ENOX1: variants seen among roughly 807,000 people sequenced by gnomAD.
ENOX1 encodes the protein ecto-NOX disulfide-thiol exchanger 1.
ENOX1 carries 42 observed loss-of-function variants against 82.5 expected under a neutral mutation model. The ratio of observed to expected loss-of-function variants is 0.51; its 90% CI spans 0.40 to 0.66. ENOX1 has a LOEUF of 0.66. Ranked by LOEUF, ENOX1 falls within the 30% of genes least tolerant of loss-of-function variation. ENOX1 has a pLI of 0.00. For missense variants in ENOX1, 608 were observed against 811.6 expected (o/e 0.75, Z 3.05); for synonymous variants, 271 against 282.2 (o/e 0.96, Z 0.40).
intron 1 of ENOX1, among the ~76,000 whole-genome samples, chr13:43,779,953 G>A (rs111253952): frequency 2.0e-5 from 3 of 152,146 alleles, no homozygotes; most frequent in South Asian, 2.1e-4. Context: ...TCAGGAGATC[G>A]AGACCATCCT....
At chr13:43,769,678 C>T (rs1010724640) in intron 1 of ENOX1, among the ~76,000 whole-genome samples, 1 of 152,204 alleles carries the variant, frequency 6.6e-6, no homozygotes, top group Non-Finnish European at 1.5e-5. Context: ...AAGCACTAGG[C>T]TTATGGCTGG....
At chr13:43,358,637 AG>A (rs1418501059) in intron 7 of ENOX1, among the ~76,000 whole-genome samples, 4 of 152,196 alleles carry the variant, frequency 2.6e-5, no homozygotes, top group Non-Finnish European at 4.4e-5. Context: ...TCTATGTTGC[AG>A]GTGCCCTGCT....
chr13:43,476,852 T>C (rs1423167113), intron 3 of ENOX1, among the ~76,000 whole-genome samples: 3 of 152,094 alleles, frequency 2.0e-5, no homozygotes, highest in Non-Finnish European at 2.9e-5. Context: ...AGGTGGGACA[T>C]AGCAGCATCA....
At chr13:43,298,258 C>T (rs994590956) in intron 12 of ENOX1, 88 bp downstream of exon 12, 21 of 1,358,620 alleles carry the variant, frequency 1.5e-5, no homozygotes, top group Non-Finnish European at 2.0e-5. Flanking sequence ...TCTCCTTCAC[C>T]CTTTCCAGCA....
intron 2 of ENOX1, among the ~76,000 whole-genome samples, chr13:43,631,746 C>T (rs777300110): frequency 2.6e-5 from 4 of 152,046 alleles, no homozygotes; most frequent in South Asian, 4.2e-4. Context: ...AATTTAGGCA[C>T]TATATTGTTT....
chr13:43,445,308 A>G (rs1033159077), intron 3 of ENOX1, among the ~76,000 whole-genome samples: 4 of 151,924 alleles, frequency 2.6e-5, no homozygotes, highest in African/African-American at 9.7e-5. Context: ...TATTTTTAGT[A>G]GAGATGGGGT....
chr13:43,419,174 T>A (rs2054823442), intron 3 of ENOX1, among the ~76,000 whole-genome samples: 1 of 152,134 alleles, frequency 6.6e-6, no homozygotes, highest in African/African-American at 2.4e-5. Context: ...AAAACACAGA[T>A]TCCTGTTAAA....
chr13:43,265,755 T>C (rs1349207884), intron 13 of ENOX1, among the ~76,000 whole-genome samples: 2 of 152,238 alleles, frequency 1.3e-5, no homozygotes, highest in South Asian at 2.1e-4. Flanking sequence ...TTAAGAATAA[T>C]AAATGATTTC....
At chr13:43,311,807 T>G (rs2047217370) in intron 11 of ENOX1, among the ~76,000 whole-genome samples, 1 of 152,236 alleles carries the variant, frequency 6.6e-6, no homozygotes, top group South Asian at 2.1e-4. Context: ...TGAATATTTG[T>G]TGTTTTAATT....
chr13:43,324,988 A>G (rs2048027764), intron 10 of ENOX1, among the ~76,000 whole-genome samples: 1 of 152,204 alleles, frequency 6.6e-6, no homozygotes, highest in Non-Finnish European at 1.5e-5. Flanking sequence ...TTTGGTTTTT[A>G]TGTGAAAAAA....
chr13:43,592,998 T>C (rs1233355799), intron 2 of ENOX1, among the ~76,000 whole-genome samples: 1 of 152,262 alleles, frequency 6.6e-6, no homozygotes, highest in African/African-American at 2.4e-5. Flanking sequence ...TATCAGTAAC[T>C]ATCACGTTAG....
chr13:43,237,885 C>T (rs1253922675), intron 14 of ENOX1, among the ~76,000 whole-genome samples: 1 of 152,140 alleles, frequency 6.6e-6, no homozygotes, highest in African/African-American at 2.4e-5. Context: ...ACTTTGTAAT[C>T]CAGGGGTAAT....
At chr13:43,236,789 CA>C in intron 14 of ENOX1, 51 bp from the exon 15 acceptor site, 4 of 1,079,576 alleles carry the variant, frequency 3.7e-6, no homozygotes, top group Non-Finnish European at 5.2e-6. Flanking sequence ...AGATTCTGTG[CA>C]TGTCAATAAA....
chr13:43,243,931 A>G (rs1479470591), intron 14 of ENOX1, among the ~76,000 whole-genome samples: 2 of 151,992 alleles, frequency 1.3e-5, no homozygotes, highest in African/African-American at 4.8e-5. Context: ...TCCCAGAGGC[A>G]TCTGTTTCAG....
intron 1 of ENOX1, among the ~76,000 whole-genome samples, chr13:43,727,587 G>A (rs925931395): frequency 7.9e-5 from 12 of 152,076 alleles, no homozygotes; most frequent in African/African-American, 2.4e-4. Context: ...TTGGGGCCGC[G>A]GGTAGACAGA....
At chr13:43,507,871 A>G (rs531721553) in intron 2 of ENOX1, among the ~76,000 whole-genome samples, 1 of 152,174 alleles carries the variant, frequency 6.6e-6, no homozygotes, top group African/African-American at 2.4e-5. Context: ...AGGAAAAACA[A>G]ATACAATCAT....
chr13:43,302,246 A>C (rs1158539979), intron 11 of ENOX1, among the ~76,000 whole-genome samples: 1 of 152,218 alleles, frequency 6.6e-6, no homozygotes, highest in Non-Finnish European at 1.5e-5. Flanking sequence ...ATAGAATTAG[A>C]CACCTTAAAT....
intron 1 of ENOX1, among the ~76,000 whole-genome samples, chr13:43,678,287 A>T (rs1352917736): frequency 1.3e-5 from 2 of 152,150 alleles, no homozygotes; most frequent in Non-Finnish European, 2.9e-5. Context: ...CCTCAAATAT[A>T]AAAAATATGA....
intron 2 of ENOX1, among the ~76,000 whole-genome samples, chr13:43,620,164 T>C (rs1454727634): frequency 6.6e-6 from 1 of 152,124 alleles, no homozygotes; most frequent in Non-Finnish European, 1.5e-5. Context: ...ATCTTGCCAA[T>C]GGTCTATCAA....
Sources: allele counts gnomAD v4.1 joint callset (sites outside exome capture counted in the v4.1 genomes callset), GRCh38; gene constraint gnomAD v4.1.1; transcripts MANE v1.5; gene names NCBI Gene and HGNC (gene_info 2026-07-23, HGNC 2026-07-21).